Variants in MOBP observed in about 807,000 individuals in gnomAD.
The protein encoded by MOBP is myelin-associated oligodendrocyte basic protein.
Under a neutral mutation model 15.0 loss-of-function variants are expected in MOBP, and 5 were observed. The observed-to-expected ratio is 0.33, with a 90% CI of 0.17 to 0.70. MOBP has a LOEUF of 0.70. Among genes scored for constraint, MOBP ranks in the 30% least tolerant of loss-of-function variants. The pLI, the probability that MOBP is intolerant of heterozygous loss-of-function variation, is 0.67. For synonymous variants in MOBP, 88 were observed against 99.0 expected (o/e 0.89, Z 0.66); for missense variants, 188 against 257.8 (o/e 0.73, Z 1.85).
chr3:39,509,863 G>A (rs375125937), intron 4 of MOBP, among the ~76,000 whole-genome samples: 48 of 151,914 alleles, frequency 3.2e-4, no homozygotes, highest in Non-Finnish European at 1.3e-4. Flanking sequence ...CCCCCAGCAG[G>A]GTCATACTTT....
intron 2 of MOBP, among the ~76,000 whole-genome samples, chr3:39,494,783 C>CG (rs1491243047): frequency 1.2e-4 from 6 of 48,100 alleles, no homozygotes; most frequent in Non-Finnish European, 2.4e-4. Flanking sequence ...ATTTTCAAAG[C>CG]CCCCCCCCGC....
intron 4 of MOBP, among the ~76,000 whole-genome samples, chr3:39,509,180 G>A (rs2043087879): frequency 6.6e-6 from 1 of 152,066 alleles, no homozygotes; most frequent in Non-Finnish European, 1.5e-5. Flanking sequence ...TCCAGTTTTG[G>A]TGATTATGAA....
At chr3:39,486,067 A>G (rs559769491) in intron 2 of MOBP, among the ~76,000 whole-genome samples, 3 of 152,336 alleles carry the variant, frequency 2.0e-5, no homozygotes, top group East Asian at 1.9e-4. Flanking sequence ...AAGTTGTATA[A>G]AATAATCTTT....
At chr3:39,523,000 C>T (rs2043288560) in intron 3 of MOBP, among the ~76,000 whole-genome samples, 1 of 152,202 alleles carries the variant, frequency 6.6e-6, no homozygotes, top group African/African-American at 2.4e-5. Context: ...TCCTCTGTGA[C>T]CAGTGAATTT....
downstream of MOBP, chr3:39,516,115 T>C (rs1029413712): frequency 6.6e-6 from 1 of 152,220 alleles, no homozygotes; most frequent in African/African-American, 2.4e-5. Flanking sequence ...GGCGACCGTG[T>C]AGGATACTCT....
chr3:39,468,852 CAT>C (rs1230813357), intron 1 of MOBP, among the ~76,000 whole-genome samples: 5 of 109,060 alleles, frequency 4.6e-5, no homozygotes, highest in Admixed American at 8.9e-5. Flanking sequence ...TACATATATA[CAT>C]GAGTGTGTAT....
At position 39,467,732 on chromosome 3, in the gene MOBP, T is replaced by C. The variant is rs1334091225; in HGVS notation, c.-97T>C. On this transcript the variant is annotated 5_prime_UTR_variant, in exon 1 of 4. Transcript: ENST00000684792. Reference sequence around the variant, plus strand: ...AGAATCTGTTTCACACAACAACTGCTATTTGAAGGTAAGAGGATTCCATTG... The same window carrying C: ...AGAATCTGTTTCACACAACAACTGCCATTTGAAGGTAAGAGGATTCCATTG... 1 of 152,236 alleles carries C rather than the reference T, an allele frequency of 6.6e-6. No homozygotes were observed. Among genetic ancestry groups the C allele is most frequent in the African/African-American group, 2.4e-5 (1 of 41,466 alleles). 9.4% of individuals were successfully genotyped at this position (152,236 alleles called of 1,614,324 possible). A position where few individuals can be genotyped will look rare whatever the true frequency, so the allele number is the denominator to read the frequency against.
chr3:39,503,353 A>G (rs910128697), downstream of MOBP, among the ~76,000 whole-genome samples: 11 of 152,170 alleles, frequency 7.2e-5, no homozygotes, highest in African/African-American at 2.4e-4. Context: ...AACAAATCCT[A>G]TTGCATACCT....
downstream of MOBP, chr3:39,527,362 CAG>C (rs940379943): frequency 2.0e-5 from 3 of 151,644 alleles, no homozygotes; most frequent in African/African-American, 2.4e-5. Context: ...AGAAAATTGA[CAG>C]ATAATATTTT....
downstream of MOBP, among the ~76,000 whole-genome samples, chr3:39,506,244 C>G (rs183639038): frequency 7.9e-5 from 12 of 152,248 alleles, no homozygotes; most frequent in South Asian, 2.3e-3. Flanking sequence ...CTACCTTAGA[C>G]AAATTTTAAA....
At chr3:39,491,997 C>G (rs1389198573) in intron 2 of MOBP, among the ~76,000 whole-genome samples, 1 of 152,176 alleles carries the variant, frequency 6.6e-6, no homozygotes, top group Non-Finnish European at 1.5e-5. Context: ...AGGCTGCCCT[C>G]AGCCTCATCC....
chr3:39,498,132 A>G (rs2042912623), intron 2 of MOBP, among the ~76,000 whole-genome samples: 1 of 152,222 alleles, frequency 6.6e-6, no homozygotes, highest in Non-Finnish European at 1.5e-5. Flanking sequence ...AACAGCCTGT[A>G]TTTCCAAGGA....
chr3:39,502,532 C>T lies in MOBP; in HGVS notation c.207-3C>T. The T allele has an allele frequency of 6.3e-7, 1 of 1,575,554 alleles. No homozygotes were observed. The highest frequency in any genetic ancestry group is 2.3e-5 in the East Asian group (1 of 43,444). On this transcript the variant is annotated splice_polypyrimidine_tract_variant and splice_region_variant and intron_variant, in intron 3 of 3. Coordinates refer to ENST00000684792, the MANE Select transcript of MOBP (RefSeq NM_001393704.1). This position sits in a 1 kb window ranked among gnomAD's most constrained non-coding sequence, Gnocchi z 6.3. ...CGCCTCCAGCTTCTTTTGGCCCTCT[C>T]AGAACCAGCCGCCGTGCCAAGTCCC...
At chr3:39,472,640 C>T (rs754911335) in intron 1 of MOBP, among the ~76,000 whole-genome samples, 2 of 152,162 alleles carry the variant, frequency 1.3e-5, no homozygotes, top group Non-Finnish European at 2.9e-5. Context: ...AATTGGGCGC[C>T]ACTGGCCAGG....
At position 39,469,026 on chromosome 3, in the gene MOBP, A is replaced by ATATATACATATATACATATGTGTG. The variant is rs1559411926; in HGVS notation, c.-89+1292_-89+1293insCATATATACATATGTGTGTATATA. Among the ~76,000 whole-genome samples, 9 of 40,598 alleles carry ATATATACATATATACATATGTGTG rather than the reference A, an allele frequency of 2.2e-4. 1 individual carries two copies. The highest frequency in any genetic ancestry group is 5.6e-4 in the African/African-American group (2 of 3,554). 26.6% of individuals were successfully genotyped at this position (40,598 alleles called of 152,430 possible). On this transcript the variant is annotated intron_variant, in intron 1 of 3. Coordinates refer to ENST00000684792, the MANE Select transcript of MOBP (RefSeq NM_001393704.1). ...TATATACATATATACATATGTGTGT[A>ATATATACATATATACATATGTGTG]TATATATACATATATACATATGTGT...
chr3:39,477,381 C>G (rs1451530020), intron 1 of MOBP, among the ~76,000 whole-genome samples: 1 of 151,578 alleles, frequency 6.6e-6, no homozygotes, highest in Non-Finnish European at 1.5e-5. Flanking sequence ...TTCGTGTCAT[C>G]TAGTGATGCC....
In MOBP at chr3:39,503,012, T is replaced by G; in HGVS notation, c.*132T>G. The stretch of plus-strand genomic sequence containing the variant: ...TGTGTAATCAGCTCCCTCCATTAAA[T>G]CCCCTCTGTTTGAAATACCTAGTGT... On this transcript the variant is annotated 3_prime_UTR_variant, in exon 4 of 4. Coordinates refer to ENST00000684792, the MANE Select transcript of MOBP (RefSeq NM_001393704.1). 1 of 569,084 alleles carries G rather than the reference T, an allele frequency of 1.8e-6. No homozygotes were observed. The highest frequency in any genetic ancestry group is 3.1e-6 in the Non-Finnish European group (1 of 325,926). 35.3% of individuals were successfully genotyped at this position (569,084 alleles called of 1,614,324 possible). A position where few individuals can be genotyped will look rare whatever the true frequency, so the allele number is the denominator to read the frequency against.
At chr3:39,468,483 C>T (rs1405234088) in intron 1 of MOBP, among the ~76,000 whole-genome samples, 1 of 152,116 alleles carries the variant, frequency 6.6e-6, no homozygotes, top group Non-Finnish European at 1.5e-5. Flanking sequence ...TGCGGATATG[C>T]TGTTTCGTAT....
At chr3:39,487,819 G>T (rs147502507) in intron 2 of MOBP, among the ~76,000 whole-genome samples, 80 of 152,106 alleles carry the variant, frequency 5.3e-4, no homozygotes, top group African/African-American at 1.9e-3. Flanking sequence ...ACCGCGCCCG[G>T]CCCCAGAATT....
Sources: gnomAD v4.1 joint callset for allele counts (sites outside exome capture counted in the v4.1 genomes callset) on GRCh38, gnomAD v4.1.1 for gene constraint, Gnocchi (gnomAD v3.1) non-coding constraint, MANE v1.5 for transcripts, NCBI Gene and HGNC (gene_info 2026-07-23, HGNC 2026-07-21) for gene names.